NHS: variants seen among roughly 807,000 people sequenced by gnomAD.
NHS encodes actin remodeling regulator NHS.
NHS carries 5 observed loss-of-function variants against 72.5 expected under a neutral mutation model. The ratio of observed to expected loss-of-function variants is 0.07; its 90% CI spans 0.04 to 0.14. The LOEUF (loss-of-function observed/expected upper bound fraction) is 0.14, where lower values mean the gene tolerates loss of function less well. NHS is among the 10% of genes least tolerant of loss of function. The probability of loss-of-function intolerance (pLI) is 1.00; values close to 1 mark genes in which losing one functional copy is unlikely to be tolerated. For synonymous variants in NHS, 464 were observed against 547.7 expected (o/e 0.85, Z 2.13); for missense variants, 1,072 against 1,355.7 (o/e 0.79, Z 3.29).
chrX:17,615,216 GTATATATACACATATATATACGTA>G (rs1556018276), intron 1 of NHS, among the ~76,000 whole-genome samples: 1 of 86,360 alleles, frequency 1.2e-5, no homozygotes, highest in Non-Finnish European at 2.2e-5. Context: ...ATATATATAC[GTATATATACACATATATATACGTA>G]TATATATACA....
intron 1 of NHS, among the ~76,000 whole-genome samples, chrX:17,458,313 C>T (rs996818593): frequency 1.4e-4 from 16 of 111,138 alleles, no homozygotes; most frequent in African/African-American, 5.3e-4. Context: ...CTGCAGCCTC[C>T]GCCCCCTGGG....
Position 17,403,707 on chromosome X carries a change from T to TA in NHS, c.565+27390dup, listed in dbSNP as rs749519260. 2.7e-5 allele frequency among the ~76,000 whole-genome samples: 3 copies of TA among 112,361 alleles called. No individual in the cohort carries two copies. In the South Asian group the frequency reaches 1.1e-3, roughly 42 times the overall value. On this transcript the variant is annotated intron_variant, in intron 1 of 8. Coordinates refer to ENST00000676302, the MANE Select transcript of NHS (RefSeq NM_001291867.2). Reference sequence around the variant, plus strand: ...TCTTTGCACTTGGACAAGGGTTGAATAAAAATAAGACTCTGTCCCCTTTTA... The same window carrying TA: ...TCTTTGCACTTGGACAAGGGTTGAATAAAAAATAAGACTCTGTCCCCTTTTA...
chrX:17,615,183 A>ACGTATATATATAC (rs34548387), intron 1 of NHS, among the ~76,000 whole-genome samples: 56 of 88,712 alleles, frequency 6.3e-4, no homozygotes, highest in African/African-American at 2.3e-3. Flanking sequence ...GTATATATAT[A>ACGTATATATATAC]GTATATATAC....
intron 1 of NHS, among the ~76,000 whole-genome samples, chrX:17,606,021 G>C (rs1380831169): frequency 8.9e-6 from 1 of 112,304 alleles, no homozygotes; most frequent in Admixed American, 9.4e-5. Flanking sequence ...GCTTCCCTGA[G>C]TGTCAAACTC....
In NHS at chrX:17,468,631, C is replaced by T. The variant is rs190576661; in HGVS notation, c.565+92309C>T. On this transcript the variant is annotated intron_variant, in intron 1 of 8. Coordinates refer to ENST00000676302, the MANE Select transcript of NHS (RefSeq NM_001291867.2). ...GCAGTGACATGATCATGGCTCACTG[C>T]AGCCTCGACCTTCTGGGCTCAAAGT... Among the ~76,000 whole-genome samples, 12 of 110,639 alleles carry T rather than the reference C, an allele frequency of 1.1e-4. No individual in the cohort carries two copies. The East Asian group carries it at 3.4e-3, about 31-fold the overall frequency.
In NHS at chrX:17,423,912, T is replaced by C. The variant is rs190005295; in HGVS notation, c.565+47590T>C. 1.2e-4 allele frequency among the ~76,000 whole-genome samples: 14 copies of C among 112,701 alleles called. No homozygotes were observed. In the East Asian group the frequency reaches 2.8e-3, roughly 23 times the overall value. On this transcript the variant is annotated intron_variant, in intron 1 of 8. Transcript: ENST00000676302. ...TATTTCACAGACCAAAGTGCTGGCA[T>C]GGTAGGTAGGACAATGCATGGATCA...
At chrX:17,555,305 A>G (rs1290364781) in intron 1 of NHS, among the ~76,000 whole-genome samples, 1 of 106,004 alleles carries the variant, frequency 9.4e-6, no homozygotes, top group Non-Finnish European at 1.9e-5. Flanking sequence ...ACTAGACTGC[A>G]GTGATGATTT....
chrX:17,539,188 C>T (rs2065250270), intron 1 of NHS, among the ~76,000 whole-genome samples: 1 of 111,561 alleles, frequency 9.0e-6, no homozygotes, highest in Non-Finnish European at 1.9e-5. Context: ...AATGCTTTCC[C>T]CTGAAAGCAT....
rs151260379 is a variant in NHS, at chrX:17,536,521, A to G, written c.566-151221A>G. Among the ~76,000 whole-genome samples the G allele has an allele frequency of 1.3e-3, 150 of 112,491 alleles. 2 individuals are homozygous for G. Among genetic ancestry groups the G allele is most frequent in the Admixed American group, 0.01 (108 of 10,686 alleles). Reference sequence around the variant, plus strand: ...GATCCATGTGTAGAGTATAGAGGGAAGGAAAAAGTACTGGAAGGGTTGCTC... The same window carrying G: ...GATCCATGTGTAGAGTATAGAGGGAGGGAAAAAGTACTGGAAGGGTTGCTC... On this transcript the variant is annotated intron_variant, in intron 1 of 8. Coordinates refer to ENST00000676302, the MANE Select transcript of NHS (RefSeq NM_001291867.2).
chrX:17,384,154 G>A (rs12006743), intron 1 of NHS, among the ~76,000 whole-genome samples: 1,466 of 112,191 alleles, frequency 0.013, 21 homozygotes, highest in African/African-American at 0.043. Context: ...TTCTGGTTTT[G>A]GAAGGATGGT....
At chrX:17,522,846 C>T (rs949902171) in intron 1 of NHS, among the ~76,000 whole-genome samples, 6 of 111,538 alleles carry the variant, frequency 5.4e-5, no homozygotes, top group Admixed American at 9.5e-5. Context: ...AACAAGGCCA[C>T]CTTCAGTAAC....
At chrX:17,630,667 C>T (rs1044268919) in intron 1 of NHS, among the ~76,000 whole-genome samples, 2 of 111,649 alleles carry the variant, frequency 1.8e-5, no homozygotes, top group Admixed American at 1.9e-4. Context: ...TGCTCAGTCC[C>T]TTCCCCTACC....
intron 1 of NHS, among the ~76,000 whole-genome samples, chrX:17,484,494 G>A (rs2064959466): frequency 1.8e-5 from 2 of 111,813 alleles, no homozygotes; most frequent in Admixed American, 1.9e-4. Context: ...GGGCCCACAC[G>A]GGGAAGCACT....
At chrX:17,545,840 C>T (rs370090349) in intron 1 of NHS, among the ~76,000 whole-genome samples, 2 of 112,156 alleles carry the variant, frequency 1.8e-5, no homozygotes, top group African/African-American at 3.2e-5. Flanking sequence ...CCCCTACAAA[C>T]ACCATAGTTC....
In NHS at chrX:17,640,246, A is replaced by T. The variant is rs186994759; in HGVS notation, c.566-47496A>T. Among the ~76,000 whole-genome samples, 462 of 111,822 alleles carry T rather than the reference A, an allele frequency of 4.1e-3. 1 individual carries two copies. The highest frequency in any genetic ancestry group is 7.6e-3 in the Non-Finnish European group (403 of 53,126). On this transcript the variant is annotated intron_variant, in intron 1 of 8. Coordinates refer to ENST00000676302, the MANE Select transcript of NHS (RefSeq NM_001291867.2). ...TCTGAAGCCCACCCTGTACTTCTGAATACTTTGGTGGGTAGCATGGCTCTT... is the reference window on the plus strand; with the variant it reads ...TCTGAAGCCCACCCTGTACTTCTGATTACTTTGGTGGGTAGCATGGCTCTT...
chrX:17,413,186 C>T (rs2064571144), intron 1 of NHS, among the ~76,000 whole-genome samples: 1 of 112,156 alleles, frequency 8.9e-6, no homozygotes, highest in Non-Finnish European at 1.9e-5. Flanking sequence ...TGAGATCAGT[C>T]TGGAAAAACT....
chrX:17,465,316 A>G (rs1012898497), intron 1 of NHS, among the ~76,000 whole-genome samples: 1 of 111,445 alleles, frequency 9.0e-6, no homozygotes, highest in Non-Finnish European at 1.9e-5. Flanking sequence ...AAATGCCCCA[A>G]AGCAAAAATA....
intron 1 of NHS, among the ~76,000 whole-genome samples, chrX:17,650,080 C>G (rs1165350668): frequency 8.9e-6 from 1 of 112,283 alleles, no homozygotes; most frequent in Non-Finnish European, 1.9e-5. Context: ...AAGCAGGAAA[C>G]TCGCCCTAGG....
chrX:17,678,127 A>G (rs1315919698), intron 1 of NHS, among the ~76,000 whole-genome samples: 1 of 111,859 alleles, frequency 8.9e-6, no homozygotes, highest in Non-Finnish European at 1.9e-5. Context: ...AGTATACAAT[A>G]GAGTATATAT....
Sources: allele counts gnomAD v4.1 joint callset (sites outside exome capture counted in the v4.1 genomes callset), GRCh38; gene constraint gnomAD v4.1.1; transcripts MANE v1.5; gene names NCBI Gene and HGNC (gene_info 2026-07-23, HGNC 2026-07-21).